The following ADCY5 variants were observed in gnomAD, a reference collection of about 807,000 sequenced individuals.
The protein encoded by ADCY5 is adenylate cyclase type 5.
In ADCY5, 30 loss-of-function variants were observed where a neutral mutation model predicts 119.7. That is an observed-to-expected ratio of 0.25 (90% CI 0.19 to 0.34). The LOEUF is 0.34. Among genes scored for constraint, ADCY5 ranks in the 10% least tolerant of loss-of-function variants. ADCY5 has a pLI of 1.00. For missense variants in ADCY5, 1,324 were observed against 1,775.2 expected (o/e 0.75, Z 4.57); for synonymous variants, 753 against 762.2 (o/e 0.99, Z 0.20).
intron 15 of ADCY5, among the ~76,000 whole-genome samples, 197 bp downstream of exon 15, chr3:123,299,923 G>A (rs1939737490): frequency 6.6e-6 from 1 of 152,196 alleles, no homozygotes; most frequent in African/African-American, 2.4e-5. Context: ...GGGGCCTGGT[G>A]ACCTGAGGCC....
intron 10 of ADCY5, 88 bp downstream of exon 10, chr3:123,319,586 G>A (rs899613845): frequency 6.6e-6 from 10 of 1,514,554 alleles, no homozygotes; most frequent in South Asian, 6.1e-5. Context: ...TGGTGCTGGG[G>A]GCATGAGGGA....
At chr3:123,300,363 T>C in intron 14 of ADCY5, 68 bp from the exon 15 acceptor site, 3 of 1,534,426 alleles carry the variant, frequency 2.0e-6, no homozygotes, top group Non-Finnish European at 2.7e-6. Context: ...GCCCCATGCA[T>C]CCTCCAGTCT....
chr3:123,352,490 T>A lies in ADCY5; in HGVS notation c.1226A>T (p.Gln409Leu). 6.2e-7 allele frequency: 1 copy of A among 1,613,954 alleles called. No homozygotes were observed. The highest frequency in any genetic ancestry group is 8.5e-7 in the Non-Finnish European group (1 of 1,179,942). The change falls in exon 2 of 21, where the codon CAG becomes CTG. Residue 409 changes from glutamine to leucine, a missense_variant. By Grantham distance (113) the Gln-to-Leu change is moderately radical. Around this residue, in one of 6 missense-constraint regions of ADCY5, gnomAD observed 123 missense variants for 287.9 expected, o/e 0.43. Transcript: ENST00000462833. This position sits in a 1 kb window ranked among gnomAD's most constrained non-coding sequence, Gnocchi z 4.8. Reference protein sequence around the residue: ...PAEVSQRQAFQETRECIQARL... With the variant: ...PAEVSQRQAFLETRECIQARL... Reference sequence around the variant, plus strand: ...CGCCTGGATGCACTCTCGGGTCTCCTGGAAAGCCTGTCTCTGGGAGACCTC... The same window carrying A: ...CGCCTGGATGCACTCTCGGGTCTCCAGGAAAGCCTGTCTCTGGGAGACCTC...
intron 8 of ADCY5, among the ~76,000 whole-genome samples, chr3:123,322,680 T>C (rs1941285894): frequency 6.6e-6 from 1 of 152,192 alleles, no homozygotes; most frequent in Non-Finnish European, 1.5e-5. Flanking sequence ...CGGCTATTCC[T>C]GGGTTTGGTG....
chr3:123,446,286 T>C (rs1945811343), intron 1 of ADCY5, among the ~76,000 whole-genome samples: 2 of 152,112 alleles, frequency 1.3e-5, no homozygotes, highest in Admixed American at 1.3e-4. Context: ...GAGAAGGCAC[T>C]AGAAGAGGGG....
At position 123,427,416 on chromosome 3, in the gene ADCY5, C is replaced by T. The variant is rs141714869; in HGVS notation, c.1134+19996G>A. 3.1e-3 allele frequency among the ~76,000 whole-genome samples: 466 copies of T among 152,368 alleles called. 1 individual carries two copies. The highest frequency in any genetic ancestry group is 6.0e-3 in the South Asian group (29 of 4,830). On this transcript the variant is annotated intron_variant, in intron 1 of 20. Transcript: ENST00000462833. The stretch of plus-strand genomic sequence containing the variant: ...CTTACCAGCCAGCCTCGCCTTTCCA[C>T]CATATTCCTTGGCCACTCTCCCTGG...
chr3:123,321,781 T>C (rs1209148975), intron 8 of ADCY5, among the ~76,000 whole-genome samples: 1 of 152,188 alleles, frequency 6.6e-6, no homozygotes, highest in Non-Finnish European at 1.5e-5. Flanking sequence ...TTCCTCTCCA[T>C]GAGCCAGGGC....
chr3:123,311,801 T>C (rs774170145), intron 12 of ADCY5, among the ~76,000 whole-genome samples: 23 of 152,136 alleles, frequency 1.5e-4, no homozygotes, highest in Non-Finnish European at 2.2e-4. Context: ...GGGGGGACAG[T>C]GTTTGTGTGG....
At position 123,355,976 on chromosome 3, in the gene ADCY5, T is replaced by C. The variant is rs115900175; in HGVS notation, c.1135-3395A>G. Among the ~76,000 whole-genome samples the C allele has an allele frequency of 3.2e-3, 481 of 152,290 alleles. 3 individuals are homozygous for C. Among genetic ancestry groups the C allele is most frequent in the Non-Finnish European group, 5.3e-3 (358 of 68,022 alleles). Reference sequence around the variant, plus strand: ...GCATAAGGGTAGAAATATAGATATATGGAATAGAATTTAAGAATCTAGAAA... The same window carrying C: ...GCATAAGGGTAGAAATATAGATATACGGAATAGAATTTAAGAATCTAGAAA... On this transcript the variant is annotated intron_variant, in intron 1 of 20. Transcript: ENST00000462833.
At position 123,287,582 on chromosome 3, in the gene ADCY5, C is replaced by T. The variant is rs150778186; in HGVS notation, c.3533-773G>A. On this transcript the variant is annotated intron_variant, in intron 19 of 20. Coordinates refer to ENST00000462833, the MANE Select transcript of ADCY5 (RefSeq NM_183357.3). ...TGTTTCTTGTGTGTGAAGGGCAGGA[C>T]TGAAAACACACAAGCTCCAAACTAG... Among the ~76,000 whole-genome samples, 9 of 152,302 alleles carry T rather than the reference C, an allele frequency of 5.9e-5. No homozygotes were observed. The East Asian group carries it at 1.7e-3, about 29-fold the overall frequency.
At position 123,352,328 on chromosome 3, in the gene ADCY5, T is replaced by G; in HGVS notation, c.1284+104A>C. The G allele has an allele frequency of 7.2e-7, 1 of 1,386,274 alleles. No homozygotes were observed. Among genetic ancestry groups the G allele is most frequent in the Non-Finnish European group, 9.6e-7 (1 of 1,042,944 alleles). The allele number at this position is 1,386,274 out of a possible 1,614,324, so 85.9% of individuals were successfully genotyped here. A position where few individuals can be genotyped will look rare whatever the true frequency, so the allele number is the denominator to read the frequency against. Reference sequence around the variant, plus strand: ...TTGGTCCCCTCCCGGGGAGTGGGGCTGGCAGCCGTAATAAGCACTGCCCGC... The same window carrying G: ...TTGGTCCCCTCCCGGGGAGTGGGGCGGGCAGCCGTAATAAGCACTGCCCGC... On this transcript the variant is annotated intron_variant, in intron 2 of 20. Transcript: ENST00000462833. This position sits in a 1 kb window ranked among gnomAD's most constrained non-coding sequence, Gnocchi z 4.8.
chr3:123,383,690 A>G (rs551158997), intron 1 of ADCY5, among the ~76,000 whole-genome samples: 51 of 130,608 alleles, frequency 3.9e-4, no homozygotes, highest in African/African-American at 1.6e-3. Flanking sequence ...AGCCCCCTGC[A>G]CATCTCAGCT....
At chr3:123,293,221 C>T (rs1398447767) in intron 17 of ADCY5, among the ~76,000 whole-genome samples, 2 of 152,184 alleles carry the variant, frequency 1.3e-5, no homozygotes, top group Admixed American at 1.3e-4. Context: ...TAGGAGGGGG[C>T]CAGGCAGGCG....
chr3:123,411,158 C>T (rs973516761), intron 1 of ADCY5, among the ~76,000 whole-genome samples: 4 of 152,310 alleles, frequency 2.6e-5, no homozygotes, highest in Middle Eastern at 3.4e-3. Flanking sequence ...TTGCCCTGTG[C>T]CTCCACCAAC....
chr3:123,305,039 TA>T (rs2108274600), intron 12 of ADCY5, among the ~76,000 whole-genome samples: 1 of 152,232 alleles, frequency 6.6e-6, no homozygotes, highest in East Asian at 1.9e-4. Context: ...TAGGTGTCTA[TA>T]AAACCCCCCA....
At chr3:123,314,119 A>C (rs1576558466) in intron 12 of ADCY5, 116 bp downstream of exon 12, 1 of 772,432 alleles carries the variant, frequency 1.3e-6, no homozygotes, top group Non-Finnish European at 2.1e-6. Flanking sequence ...GCACTCTCCC[A>C]CCCCTGCCAA....
At chr3:123,302,465 T>G (rs972449768) in intron 14 of ADCY5, among the ~76,000 whole-genome samples, 2 of 152,100 alleles carry the variant, frequency 1.3e-5, no homozygotes, top group African/African-American at 4.8e-5. Flanking sequence ...CGGGTGAGGT[T>G]TATAGTAGTG....
At chr3:123,326,131 A>G (rs202198437) in intron 7 of ADCY5, among the ~76,000 whole-genome samples, 1 of 152,188 alleles carries the variant, frequency 6.6e-6, no homozygotes, top group East Asian at 1.9e-4. Flanking sequence ...TCTCCAAAAT[A>G]TGCTACAACA....
intron 1 of ADCY5, among the ~76,000 whole-genome samples, chr3:123,426,093 G>T (rs1552353): frequency 0.99 from 150,730 of 152,202 alleles, 74,656 homozygotes; most frequent in Middle Eastern, 1. Flanking sequence ...TATCATCACA[G>T]GTAATGCTCT....
Sources: allele counts gnomAD v4.1 joint callset (sites outside exome capture counted in the v4.1 genomes callset), GRCh38; gene constraint gnomAD v4.1.1; regional missense constraint gnomAD v4.1.1; non-coding constraint Gnocchi (gnomAD v3.1); transcripts MANE v1.5; gene names NCBI Gene and HGNC (gene_info 2026-07-23, HGNC 2026-07-21).